The following FGD4 variants were observed in gnomAD, a reference collection of about 807,000 sequenced individuals.
The protein encoded by FGD4 is FYVE, RhoGEF and PH domain-containing protein 4.
A neutral mutation model predicts 102.0 loss-of-function variants in FGD4; 42 were observed. That is an observed-to-expected ratio of 0.41 (90% CI 0.32 to 0.53). The LOEUF (loss-of-function observed/expected upper bound fraction) is 0.53. Among genes scored for constraint, FGD4 ranks in the 20% least tolerant of loss-of-function variants. The pLI is 0.21. For missense variants in FGD4, 902 were observed against 1,078.2 expected (o/e 0.84, Z 2.29); for synonymous variants, 380 against 375.7 (o/e 1.01, Z -0.13).
chr12:32,576,175 T>G (rs1334642336), intron 2 of FGD4, 91 bp from the exon 3 acceptor site: 6 of 1,283,178 alleles, frequency 4.7e-6, no homozygotes, highest in Non-Finnish European at 6.5e-6. Flanking sequence ...AATTTTATAA[T>G]GCTGAATATT....
intron 1 of FGD4, among the ~76,000 whole-genome samples, chr12:32,467,802 G>C (rs963147287): frequency 6.6e-6 from 1 of 152,134 alleles, no homozygotes; most frequent in Non-Finnish European, 1.5e-5. Flanking sequence ...GATCACCTGA[G>C]GTCAAGAGTT....
At chr12:32,497,560 G>A (rs537339429) in intron 1 of FGD4, among the ~76,000 whole-genome samples, 9 of 152,246 alleles carry the variant, frequency 5.9e-5, no homozygotes, top group South Asian at 4.1e-4. Context: ...GATTAGGAGA[G>A]GTAATTTGAG....
At chr12:32,482,479 C>T (rs889620670) in intron 1 of FGD4, among the ~76,000 whole-genome samples, 5 of 152,202 alleles carry the variant, frequency 3.3e-5, no homozygotes, top group African/African-American at 7.2e-5. Flanking sequence ...GGAAGTTACA[C>T]ATATGTTCTT....
rs1938701268 is a variant in FGD4 at position 32,506,061 on chromosome 12, C to CA, written c.167-58074dup. Reference sequence around the variant, plus strand: ...GCCCATAAAGATTAAGCAGCTTTTCCAAGGTCAGGAAACCTGTGAGTTACA... The same window carrying CA: ...GCCCATAAAGATTAAGCAGCTTTTCCAAAGGTCAGGAAACCTGTGAGTTACA... On this transcript the variant is annotated intron_variant, in intron 1 of 16. Transcript: ENST00000534526. This position sits in a 1 kb window ranked among gnomAD's most constrained non-coding sequence, Gnocchi z 4.5. 2.0e-5 allele frequency among the ~76,000 whole-genome samples: 3 copies of CA among 152,112 alleles called. No homozygotes were observed. The highest frequency in any genetic ancestry group is 2.0e-4 in the Admixed American group (3 of 15,264).
intron 1 of FGD4, among the ~76,000 whole-genome samples, chr12:32,518,352 C>T (rs1226707069): frequency 6.6e-6 from 1 of 152,134 alleles, no homozygotes; most frequent in East Asian, 1.9e-4. Context: ...GTGGCACATG[C>T]CGGTAATCAC....
chr12:32,442,341 C>T (rs1311927915), intron 1 of FGD4, among the ~76,000 whole-genome samples: 1 of 152,154 alleles, frequency 6.6e-6, no homozygotes, highest in African/African-American at 2.4e-5. Flanking sequence ...ATGTGAGCCA[C>T]TGCGCCCGGC....
intron 1 of FGD4, among the ~76,000 whole-genome samples, chr12:32,557,302 C>T (rs763660124): frequency 2.0e-5 from 3 of 152,134 alleles, no homozygotes; most frequent in Non-Finnish European, 2.9e-5. Flanking sequence ...AATTCTCATT[C>T]ATTCTCTCAC....
intron 1 of FGD4, among the ~76,000 whole-genome samples, chr12:32,475,521 G>A (rs1327646673): frequency 6.6e-6 from 1 of 152,152 alleles, no homozygotes; most frequent in Non-Finnish European, 1.5e-5. Flanking sequence ...TTTTGGTCTA[G>A]TTATGTGATT....
intron 1 of FGD4, among the ~76,000 whole-genome samples, chr12:32,559,707 C>G (rs1406404734): frequency 6.6e-6 from 1 of 152,104 alleles, no homozygotes; most frequent in Admixed American, 6.5e-5. Flanking sequence ...CCTACCATAC[C>G]CTGAAAGTTT....
At chr12:32,423,372 A>T (rs1229183970) in intron 1 of FGD4, among the ~76,000 whole-genome samples, 1 of 151,830 alleles carries the variant, frequency 6.6e-6, no homozygotes, top group Non-Finnish European at 1.5e-5. Context: ...CGGGCAGATC[A>T]CTAGGTGAGG....
chr12:32,453,220 A>ATATATTTT (rs1391496111), intron 1 of FGD4, among the ~76,000 whole-genome samples: 7 of 52,788 alleles, frequency 1.3e-4, no homozygotes, highest in South Asian at 8.5e-4. Context: ...ATATATATAT[A>ATATATTTT]ATATAGATAT....
chr12:32,573,369 A>C (rs1175818272), intron 2 of FGD4, among the ~76,000 whole-genome samples: 2 of 152,202 alleles, frequency 1.3e-5, no homozygotes, highest in Admixed American at 1.3e-4. Context: ...TGCTGGGATT[A>C]CAGGCGTGAG....
intron 1 of FGD4, among the ~76,000 whole-genome samples, chr12:32,476,702 CCTG>C (rs1943592354): frequency 6.6e-6 from 1 of 152,008 alleles, no homozygotes; most frequent in Non-Finnish European, 1.5e-5. Context: ...GCAGTGAGAA[CCTG>C]TTTCTAATTA....
chr12:32,433,065 T>G (rs1236826617), intron 1 of FGD4, among the ~76,000 whole-genome samples: 1 of 151,954 alleles, frequency 6.6e-6, no homozygotes, highest in African/African-American at 2.4e-5. Flanking sequence ...GGCACAATCT[T>G]ACCTCACTGC....
At chr12:32,526,749 T>C (rs1941268407) in intron 1 of FGD4, among the ~76,000 whole-genome samples, 1 of 152,118 alleles carries the variant, frequency 6.6e-6, no homozygotes, top group African/African-American at 2.4e-5. Flanking sequence ...ACCGCGAAGA[T>C]CTGCAGCTTC....
intron 1 of FGD4, among the ~76,000 whole-genome samples, chr12:32,408,330 G>A (rs1427866481): frequency 6.6e-6 from 1 of 151,990 alleles, no homozygotes; most frequent in African/African-American, 2.4e-5. Flanking sequence ...CACCATACCT[G>A]GCTAATTCTG....
At chr12:32,449,589 A>G (rs1942712197) in intron 1 of FGD4, among the ~76,000 whole-genome samples, 1 of 152,152 alleles carries the variant, frequency 6.6e-6, no homozygotes, top group Admixed American at 6.5e-5. Flanking sequence ...TTATCAGGTG[A>G]CTTATGATTT....
chr12:32,572,380 C>T (rs1035498547), intron 2 of FGD4, among the ~76,000 whole-genome samples: 2 of 152,106 alleles, frequency 1.3e-5, no homozygotes, highest in African/African-American at 4.8e-5. Flanking sequence ...ACTGTGTTTG[C>T]ATACTACACT....
At chr12:32,598,454 C>T in intron 4 of FGD4, 43 bp from the exon 5 acceptor site, 1 of 1,321,322 alleles carries the variant, frequency 7.6e-7, no homozygotes, top group Non-Finnish European at 1.1e-6. Context: ...AAATATTGTC[C>T]AAGGTATCTT....
Sources: allele counts gnomAD v4.1 joint callset (sites outside exome capture counted in the v4.1 genomes callset), GRCh38; gene constraint gnomAD v4.1.1; non-coding constraint Gnocchi (gnomAD v3.1); transcripts MANE v1.5; gene names NCBI Gene and HGNC (gene_info 2026-07-23, HGNC 2026-07-21).